Variants in DIAPH1 observed in about 807,000 individuals in gnomAD.
The protein encoded by DIAPH1 is protein diaphanous homolog 1.
Under a neutral mutation model 140.7 loss-of-function variants are expected in DIAPH1, and 46 were observed. The ratio of observed to expected loss-of-function variants is 0.33; its 90% CI spans 0.26 to 0.42. DIAPH1 has a LOEUF of 0.42. Among genes scored for constraint, DIAPH1 ranks in the 10% least tolerant of loss-of-function variants. The pLI is 1.00. For missense variants in DIAPH1, 1,310 were observed against 1,558.7 expected (o/e 0.84, Z 2.69); for synonymous variants, 565 against 551.6 (o/e 1.02, Z -0.34).
At chr5:141,533,770 A>G (rs977654925) in intron 19 of DIAPH1, among the ~76,000 whole-genome samples, 4 of 152,194 alleles carry the variant, frequency 2.6e-5, no homozygotes, top group Admixed American at 2.6e-4. Flanking sequence ...CGCAATGGAC[A>G]TAGTAAGAAC....
chr5:141,575,223 T>C, intron 14 of DIAPH1, 77 bp from the exon 15 acceptor site: 1 of 1,477,644 alleles, frequency 6.8e-7, no homozygotes, highest in Non-Finnish European at 9.5e-7. Context: ...CCCATAATTC[T>C]CCCTACCTCC....
intron 1 of DIAPH1, among the ~76,000 whole-genome samples, chr5:141,595,071 A>G (rs1408599804): frequency 6.6e-6 from 1 of 151,992 alleles, no homozygotes; most frequent in Non-Finnish European, 1.5e-5. Context: ...GAAAAAAGGA[A>G]AAGGCTACAT....
chr5:141,578,365 G>A, intron 10 of DIAPH1, 22 bp from the exon 11 acceptor site: 1 of 1,596,846 alleles, frequency 6.3e-7, no homozygotes, highest in African/African-American at 1.3e-5. Context: ...AAAAGTAGAA[G>A]TCAGGGAACC....
chr5:141,543,214 C>T (rs1049630003), intron 18 of DIAPH1, among the ~76,000 whole-genome samples: 1 of 152,086 alleles, frequency 6.6e-6, no homozygotes, highest in African/African-American at 2.4e-5. Context: ...CTAATACATG[C>T]TGCAACACGA....
At chr5:141,609,092 A>G (rs553474882) in intron 1 of DIAPH1, among the ~76,000 whole-genome samples, 22 of 152,064 alleles carry the variant, frequency 1.4e-4, no homozygotes, top group African/African-American at 5.3e-4. Flanking sequence ...CAAGCACTGT[A>G]ATAGCTATTT....
chr5:141,584,450 T>G (rs1169634303), intron 3 of DIAPH1, among the ~76,000 whole-genome samples: 1 of 152,062 alleles, frequency 6.6e-6, no homozygotes, highest in Non-Finnish European at 1.5e-5. Context: ...TATACACACT[T>G]TTTTTCTCTA....
At chr5:141,559,939 C>T (rs1295508815) in intron 18 of DIAPH1, among the ~76,000 whole-genome samples, 4 of 152,214 alleles carry the variant, frequency 2.6e-5, no homozygotes, top group African/African-American at 9.6e-5. Flanking sequence ...GCATACATCA[C>T]TCAGTTTCAA....
chr5:141,534,113 A>C (rs771844020), intron 19 of DIAPH1, among the ~76,000 whole-genome samples: 16 of 152,068 alleles, frequency 1.1e-4, no homozygotes, highest in African/African-American at 4.8e-5. Context: ...AATTCCTAAA[A>C]GTCTTAGCTT....
chr5:141,525,094 G>T (rs1184376839), intron 26 of DIAPH1, among the ~76,000 whole-genome samples: 1 of 152,208 alleles, frequency 6.6e-6, no homozygotes, highest in Non-Finnish European at 1.5e-5. Flanking sequence ...AGTCCCAGGG[G>T]AAGGTGAAGG....
chr5:141,531,912 C>A (rs1187929729), intron 19 of DIAPH1, among the ~76,000 whole-genome samples: 1 of 152,166 alleles, frequency 6.6e-6, no homozygotes, highest in East Asian at 1.9e-4. Context: ...CTCCCCTTAC[C>A]TTAGCAATCC....
chr5:141,612,276 C>T (rs945837403), intron 1 of DIAPH1, among the ~76,000 whole-genome samples: 1 of 152,194 alleles, frequency 6.6e-6, no homozygotes, highest in Non-Finnish European at 1.5e-5. Context: ...CATAGATCTA[C>T]CAAATGACCC....
intron 19 of DIAPH1, among the ~76,000 whole-genome samples, chr5:141,533,194 T>C (rs924538548): frequency 1.8e-4 from 27 of 152,218 alleles, no homozygotes; most frequent in African/African-American, 6.5e-4. Context: ...AAAATACCCT[T>C]TCATCTCTGG....
chr5:141,533,172 T>C (rs1025941747), intron 19 of DIAPH1, among the ~76,000 whole-genome samples: 1 of 152,214 alleles, frequency 6.6e-6, no homozygotes, highest in Non-Finnish European at 1.5e-5. Flanking sequence ...AGACTATGAG[T>C]GGGTTTTACG....
chr5:141,591,562 G>A (rs1296886972), intron 1 of DIAPH1, among the ~76,000 whole-genome samples: 1 of 150,958 alleles, frequency 6.6e-6, no homozygotes, highest in African/African-American at 2.4e-5. Context: ...TAGGGGATGA[G>A]TTGGATACAG....
intron 1 of DIAPH1, among the ~76,000 whole-genome samples, chr5:141,617,564 G>A (rs549624886): frequency 6.6e-6 from 1 of 152,266 alleles, no homozygotes; most frequent in East Asian, 1.9e-4. Context: ...AATGTTGGGA[G>A]GTGGGACTAA....
chr5:141,595,187 G>T (rs1261651892), intron 1 of DIAPH1, among the ~76,000 whole-genome samples: 3 of 152,154 alleles, frequency 2.0e-5, no homozygotes, highest in Admixed American at 6.5e-5. Flanking sequence ...GGGTAGGCAG[G>T]TTATGAATAA....
chr5:141,545,218 G>A (rs547757272), intron 18 of DIAPH1, among the ~76,000 whole-genome samples: 34 of 152,274 alleles, frequency 2.2e-4, no homozygotes, highest in Non-Finnish European at 3.5e-4. Context: ...TTATATGGCC[G>A]TATACATTTG....
chr5:141,598,935 T>C (rs561701205), intron 1 of DIAPH1, among the ~76,000 whole-genome samples: 8 of 152,332 alleles, frequency 5.3e-5, no homozygotes, highest in African/African-American at 1.9e-4. Context: ...CTCCCTCTGT[T>C]TGCTTAGTAA....
chr5:141,528,432 C>A, intron 23 of DIAPH1, 21 bp downstream of exon 23: 12 of 1,614,022 alleles, frequency 7.4e-6, no homozygotes, highest in Non-Finnish European at 1.0e-5. Flanking sequence ...TGGGCTCTAG[C>A]TTCATTCCAA....
Sources: gnomAD v4.1 joint callset for allele counts (sites outside exome capture counted in the v4.1 genomes callset) on GRCh38, gnomAD v4.1.1 for gene constraint, MANE v1.5 for transcripts, NCBI Gene and HGNC (gene_info 2026-07-23, HGNC 2026-07-21) for gene names.